The following ATP10B variants were observed in gnomAD, a reference collection of about 807,000 sequenced individuals.
ATP10B encodes ATPase phospholipid transporting 10B (putative), also known as phospholipid-transporting ATPase VB.
Under a neutral mutation model 141.2 loss-of-function variants are expected in ATP10B, and 122 were observed. The observed-to-expected ratio is 0.86, with a 90% confidence interval of 0.75 to 1.00. The LOEUF is 1.00. Ranked by LOEUF, ATP10B falls within the 50% of genes least tolerant of loss-of-function variation. ATP10B has a pLI of 0.00. For missense variants in ATP10B, 1,876 were observed against 1,825.3 expected (o/e 1.03, Z -0.51); for synonymous variants, 685 against 692.0 (o/e 0.99, Z 0.16).
At chr5:160,727,655 G>T in intron 2 of ATP10B, among the ~76,000 whole-genome samples, 1 of 152,048 alleles carries the variant, frequency 6.6e-6, no homozygotes, top group South Asian at 2.1e-4. Context: ...ACTTCCAGGG[G>T]TGTTGGAGAC....
chr5:160,887,641 A>G, the ATP10B span, among the ~76,000 whole-genome samples: 1,110 of 151,728 alleles, frequency 7.3e-3, 17 homozygotes, highest in African/African-American at 0.023. Context: ...GTCTCCCCTC[A>G]CTCATGTTTC....
chr5:160,914,580 C>T, the ATP10B span, among the ~76,000 whole-genome samples: 1 of 152,112 alleles, frequency 6.6e-6, no homozygotes, highest in South Asian at 2.1e-4. Flanking sequence ...TGCTGTACTG[C>T]TATTTTTTAT....
intron 6 of ATP10B, among the ~76,000 whole-genome samples, chr5:160,676,899 A>G (rs1763065370): frequency 6.6e-6 from 1 of 152,208 alleles, no homozygotes; most frequent in Admixed American, 6.5e-5. Flanking sequence ...TCTAACTTGC[A>G]TAAGGTCACA....
chr5:160,609,321 G>A (rs978766411), intron 18 of ATP10B, among the ~76,000 whole-genome samples: 116 of 152,126 alleles, frequency 7.6e-4, no homozygotes, highest in African/African-American at 2.7e-3. Flanking sequence ...GCCAGGGTTG[G>A]GGAACATTGA....
At chr5:160,737,053 T>C (rs1767170733) in intron 2 of ATP10B, among the ~76,000 whole-genome samples, 1 of 152,102 alleles carries the variant, frequency 6.6e-6, no homozygotes, top group Admixed American at 6.5e-5. Context: ...AAAAAGATAA[T>C]ACATCATGAC....
the ATP10B span, among the ~76,000 whole-genome samples, chr5:160,915,042 T>C: frequency 6.6e-6 from 1 of 152,166 alleles, no homozygotes; most frequent in African/African-American, 2.4e-5. Flanking sequence ...GTGCCTGCAA[T>C]AGTAAAGGAA....
rs1461282617 is a variant in ATP10B at position 160,840,678 on chromosome 5, A to G, written c.-576+11263T>C. 1.3e-5 allele frequency among the ~76,000 whole-genome samples: 2 copies of G among 152,290 alleles called. 1 individual carries two copies. Among genetic ancestry groups the G allele is most frequent in the South Asian group, 4.1e-4 (2 of 4,830 alleles). On this transcript the variant is annotated intron_variant, in intron 1 of 25. Transcript: ENST00000327245. ...TGATACTAAAACGTCCAGATGTGAT[A>G]AAAGATTGATAAACTGACTACATAT...
chr5:160,900,031 TTGTTG>T, the ATP10B span, among the ~76,000 whole-genome samples: 8 of 152,024 alleles, frequency 5.3e-5, no homozygotes, highest in Non-Finnish European at 1.5e-5. Context: ...GTCGTTGTGG[TTGTTG>T]TGTTATTTTT....
chr5:160,796,546 C>T (rs554600457), intron 1 of ATP10B, among the ~76,000 whole-genome samples: 34 of 149,278 alleles, frequency 2.3e-4, no homozygotes, highest in Middle Eastern at 3.4e-3. Context: ...CAAGGCCCAT[C>T]ACATCCCTAG....
At chr5:160,566,045 A>T (rs1581122325) in intron 25 of ATP10B, 145 bp from the exon 26 acceptor site, 1 of 710,382 alleles carries the variant, frequency 1.4e-6, no homozygotes, top group East Asian at 2.7e-5. Context: ...GGGCACCTCT[A>T]GTCTTGGGTA....
At chr5:160,788,087 C>T (rs1167153100) in intron 1 of ATP10B, among the ~76,000 whole-genome samples, 2 of 152,164 alleles carry the variant, frequency 1.3e-5, no homozygotes, top group Non-Finnish European at 2.9e-5. Context: ...TTCCCCTTGC[C>T]ATTATAGGCA....
At chr5:160,751,474 T>G (rs1242114332) in intron 2 of ATP10B, among the ~76,000 whole-genome samples, 1 of 152,310 alleles carries the variant, frequency 6.6e-6, no homozygotes, top group East Asian at 1.9e-4. Context: ...TGGAAACTGA[T>G]AGCGGGCTAG....
chr5:160,758,142 G>T (rs1248090340), intron 2 of ATP10B, among the ~76,000 whole-genome samples: 1 of 152,290 alleles, frequency 6.6e-6, no homozygotes, highest in East Asian at 1.9e-4. Context: ...GGGAGTAGTG[G>T]TGAAAGTGAA....
At chr5:160,783,562 T>TAC (rs57796332) in intron 2 of ATP10B, among the ~76,000 whole-genome samples, 2,873 of 131,258 alleles carry the variant, frequency 0.022, 44 homozygotes, top group East Asian at 0.052. Context: ...ATATATATGA[T>TAC]ACACACACAC....
At chr5:160,727,913 G>A (rs1190735604) in intron 2 of ATP10B, among the ~76,000 whole-genome samples, 2 of 152,104 alleles carry the variant, frequency 1.3e-5, no homozygotes, top group African/African-American at 4.8e-5. Context: ...TTGGCCTCTT[G>A]TGAACAAGGA....
the ATP10B span, among the ~76,000 whole-genome samples, chr5:160,900,918 T>TTTG: frequency 6.7e-6 from 1 of 149,556 alleles, no homozygotes; most frequent in African/African-American, 2.5e-5. Flanking sequence ...GTTTTTTTTT[T>TTTG]TTTTTTTTTT....
At chr5:160,735,217 A>G (rs927221369) in intron 2 of ATP10B, among the ~76,000 whole-genome samples, 1 of 151,904 alleles carries the variant, frequency 6.6e-6, no homozygotes, top group Non-Finnish European at 1.5e-5. Context: ...ACAGGGCCTG[A>G]ATGGACTAAA....
At chr5:160,828,920 A>C (rs918698366) in intron 1 of ATP10B, among the ~76,000 whole-genome samples, 2 of 146,870 alleles carry the variant, frequency 1.4e-5, no homozygotes, top group Non-Finnish European at 3.0e-5. Flanking sequence ...ACATGGATGA[A>C]ATTGGAAATC....
intron 2 of ATP10B, among the ~76,000 whole-genome samples, chr5:160,718,055 G>C (rs1294580190): frequency 6.6e-6 from 1 of 152,270 alleles, no homozygotes; most frequent in African/African-American, 2.4e-5. Context: ...ATTGCTCAGA[G>C]AGAGGATTTG....
Sources: gnomAD v4.1 joint callset for allele counts (sites outside exome capture counted in the v4.1 genomes callset) on GRCh38, gnomAD v4.1.1 for gene constraint, MANE v1.5 for transcripts, NCBI Gene and HGNC (gene_info 2026-07-23, HGNC 2026-07-21) for gene names.